WDR75: variants seen among roughly 807,000 people sequenced by gnomAD.
WDR75 encodes the protein WD repeat domain 75, also known as WD repeat-containing protein 75.
Under a neutral mutation model 106.1 loss-of-function variants are expected in WDR75, and 52 were observed. The observed-to-expected ratio is 0.49, with a 90% CI of 0.39 to 0.62. WDR75 has a LOEUF of 0.62. WDR75 is among the 20% of genes least tolerant of loss of function. The probability of loss-of-function intolerance (pLI) is 0.00; values close to 1 mark genes in which losing one functional copy is unlikely to be tolerated. For synonymous variants in WDR75, 333 were observed against 335.5 expected, an observed-to-expected ratio of 0.99 and a Z score of 0.08; for missense variants, 905 against 970.3, an observed-to-expected ratio of 0.93 and a Z score of 0.89.
Position 189,451,823 on chromosome 2 carries a change from A to G in WDR75, c.301A>G (p.Lys101Glu), listed in dbSNP as rs1350008366. ...ILIKTFIVGCKLHALFTLAQA... is the reference protein window; with the variant it reads ...ILIKTFIVGCELHALFTLAQA... ...CTTTCAGACTTTCATAGTTGGATGT[A>G]AACTTCATGCCCTCTTTACTCTTGC... Residue 101 changes from lysine (K) to glutamate (E), a missense_variant, in exon 4 of 21, where the codon AAA becomes GAA. Lys to Glu is a moderately conservative substitution (Grantham distance 56, BLOSUM62 1). Coordinates refer to ENST00000314761, the MANE Select transcript of WDR75 (RefSeq NM_032168.3). The G allele has an allele frequency of 6.2e-7, 1 of 1,613,752 alleles. No homozygotes were observed. Among genetic ancestry groups the G allele is most frequent in the South Asian group, 1.1e-5 (1 of 91,058 alleles).
In WDR75 at chr2:189,441,509, A is replaced by G; in HGVS notation, c.17A>G (p.Asn6Ser). Residue 6 changes from asparagine (N) to serine (S), a missense_variant, in exon 1 of 21, where the codon AAC becomes AGC. By Grantham distance (46) the Asn-to-Ser change is conservative (BLOSUM62 1). Transcript: ENST00000314761. MVEEENIRVVRCGGSE... is the reference protein window; with the variant it reads MVEEESIRVVRCGGSE... ...TGCGCAAAGATGGTGGAGGAGGAGA[A>G]CATCCGCGTGGTTCGTTGTGGCGGC... The G allele has an allele frequency of 6.4e-7, 1 of 1,565,302 alleles. No homozygotes were observed. Among genetic ancestry groups the G allele is most frequent in the Non-Finnish European group, 8.7e-7 (1 of 1,153,530 alleles).
Position 189,462,670 on chromosome 2 carries a change from A to G in WDR75, c.937+28A>G, listed in dbSNP as rs534104316. On this transcript the variant is annotated intron_variant, in intron 9 of 20. Transcript: ENST00000314761. ...AAGTCTAAATTTTTTATTATGAGGAAATATATAAACACCATAAATTAGCTA... is the reference window on the plus strand; with the variant it reads ...AAGTCTAAATTTTTTATTATGAGGAGATATATAAACACCATAAATTAGCTA... 5 of 1,603,370 alleles carry G rather than the reference A, an allele frequency of 3.1e-6. No individual in the cohort carries two copies. In the African/African-American group the frequency reaches 4.0e-5, roughly 13 times the overall value.
chr2:189,441,716 G>T, intron 1 of WDR75, 138 bp downstream of exon 1: 1 of 950,686 alleles, frequency 1.1e-6, no homozygotes, highest in South Asian at 1.5e-5. Flanking sequence ...CGCCTGTGGG[G>T]GATCCCCAGG....
chr2:189,474,909 A>T (rs1687183199), intron 20 of WDR75, 101 bp downstream of exon 20: 1 of 949,988 alleles, frequency 1.1e-6, no homozygotes, highest in Middle Eastern at 3.1e-4. Context: ...ATTTCTTTTT[A>T]TTTCATAAGT....
intron 1 of WDR75, among the ~76,000 whole-genome samples, chr2:189,446,011 A>C (rs1280385683): frequency 6.6e-6 from 1 of 152,152 alleles, no homozygotes; most frequent in Admixed American, 6.5e-5. Context: ...TCAATTAGGG[A>C]AAGTTTTCTT....
chr2:189,451,241 G>A (rs983076213), intron 3 of WDR75, among the ~76,000 whole-genome samples: 2 of 152,100 alleles, frequency 1.3e-5, no homozygotes, highest in East Asian at 1.9e-4. Flanking sequence ...CCTGGTAGAA[G>A]AAATTGGCAT....
At chr2:189,462,167 G>T (rs1213839522) in intron 8 of WDR75, among the ~76,000 whole-genome samples, 1 of 151,130 alleles carries the variant, frequency 6.6e-6, no homozygotes, top group Non-Finnish European at 1.5e-5. Flanking sequence ...TAATATTTTT[G>T]GTATAGTATT....
At chr2:189,460,931 AAGAAAAAAT>A (rs1420562542) in intron 8 of WDR75, among the ~76,000 whole-genome samples, 1 of 152,238 alleles carries the variant, frequency 6.6e-6, no homozygotes, top group Non-Finnish European at 1.5e-5. Flanking sequence ...TTATTAGAAA[AAGAAAAAAT>A]AGCTGCGTAA....
intron 19 of WDR75, 111 bp downstream of exon 19, chr2:189,474,443 C>T: frequency 1.6e-6 from 2 of 1,260,710 alleles, no homozygotes; most frequent in Non-Finnish European, 2.2e-6. Flanking sequence ...CTTTAATACC[C>T]AAACTAAATA....
At position 189,470,876 on chromosome 2, in the gene WDR75, C is replaced by G. The variant is rs749740320; in HGVS notation, c.2047C>G (p.Gln683Glu). 1.9e-6 allele frequency: 3 copies of G among 1,602,446 alleles called. No homozygotes were observed. The East Asian group carries it at 6.8e-5, about 36-fold the overall frequency. ...AGAAAAACTCACACCAACAAGCAAA[C>G]AGGTATGTTTTAGCCATTCATAGCA... is the stretch of plus-strand genomic sequence containing the variant. ...PEEKLTPTSK[Q>E]LLAEESLPTT... Residue 683 changes from glutamine (Q) to glutamate (E), a missense_variant and splice_region_variant, in exon 18 of 21, where the codon CAG (glutamine) becomes GAG (glutamate). By Grantham distance (29) the Gln-to-Glu change is conservative. Coordinates refer to ENST00000314761, the MANE Select transcript of WDR75 (RefSeq NM_032168.3).
Position 189,475,310 on chromosome 2 carries a change from A to G in WDR75, c.2386A>G (p.Ser796Gly), listed in dbSNP as rs779948135. The G allele has an allele frequency of 1.2e-6, 2 of 1,612,806 alleles. No individual in the cohort carries two copies. Among genetic ancestry groups the G allele is most frequent in the Non-Finnish European group, 1.7e-6 (2 of 1,179,094 alleles). Residue 796 changes from serine (S) to glycine (G), a missense_variant, in exon 21 of 21, where the codon AGT (serine) becomes GGT (glycine). Transcript: ENST00000314761. ...TTTTACCGAAAAAGTCCAGGATACA[A>G]GTAACACAGGTTTAGGAGAAGACAT... ...NDFTEKVQDT[S>G]NTGLGEDIIH...
chr2:189,446,958 C>T (rs1341734974), intron 1 of WDR75, among the ~76,000 whole-genome samples: 2 of 152,074 alleles, frequency 1.3e-5, no homozygotes, highest in African/African-American at 2.4e-5. Flanking sequence ...ACAGTTTCTA[C>T]GTGACTAACG....
intron 4 of WDR75, among the ~76,000 whole-genome samples, chr2:189,454,398 C>T (rs1686689717): frequency 6.6e-6 from 1 of 152,108 alleles, no homozygotes; most frequent in Non-Finnish European, 1.5e-5. Context: ...TCTGAAAACT[C>T]TCAGATGATT....
intron 18 of WDR75, among the ~76,000 whole-genome samples, chr2:189,471,292 C>T (rs763685973): frequency 8.5e-5 from 13 of 152,126 alleles, no homozygotes; most frequent in South Asian, 4.1e-4. Flanking sequence ...GATCTATTGA[C>T]GCTGAATTTT....
chr2:189,466,692 C>T (rs1047865673), intron 13 of WDR75, 110 bp downstream of exon 13: 9 of 1,101,152 alleles, frequency 8.2e-6, no homozygotes, highest in Non-Finnish European at 1.1e-5. Context: ...TTATTGAATT[C>T]TACAGGATAT....
intron 2 of WDR75, chr2:189,449,126 A>T: frequency 1.6e-6 from 1 of 635,914 alleles, no homozygotes; most frequent in Non-Finnish European, 2.4e-6. Context: ...AGTATTTAAG[A>T]ATAATGAAAT....
intron 5 of WDR75, among the ~76,000 whole-genome samples, chr2:189,457,101 C>T (rs1350143938): frequency 6.6e-6 from 1 of 152,038 alleles, no homozygotes; most frequent in Non-Finnish European, 1.5e-5. Flanking sequence ...ATTAGCCAGG[C>T]GTGGTGGTAG....
rs1479093188 is a variant in WDR75, at chr2:189,457,372, C to T, written c.560C>T (p.Thr187Ile). 5 of 1,590,008 alleles carry T rather than the reference C, an allele frequency of 3.1e-6. No homozygotes were observed. In the Admixed American group the frequency reaches 8.4e-5, roughly 27 times the overall value. Residue 187 changes from threonine to isoleucine, a missense_variant, in exon 6 of 21, where the codon ACA (threonine) becomes ATA (isoleucine). Physicochemically the swap from Thr to Ile is moderately conservative, Grantham distance 89. Coordinates refer to ENST00000314761, the MANE Select transcript of WDR75 (RefSeq NM_032168.3). ...TCTGTTTATTTTTTCAAAAAGAAAA[C>T]AACATCAAGGTAAGAATTATTTTTT... ...YLSVYFFKKK[T>I]TSRFTLSSSR...
At chr2:189,464,656 A>G (rs2105568154) in intron 11 of WDR75, among the ~76,000 whole-genome samples, 1 of 152,206 alleles carries the variant, frequency 6.6e-6, no homozygotes. Flanking sequence ...GCCTACTTAC[A>G]TTGGCTATCT....
Sources: gnomAD v4.1 joint callset for allele counts (sites outside exome capture counted in the v4.1 genomes callset) on GRCh38, gnomAD v4.1.1 for gene constraint, MANE v1.5 for transcripts, NCBI Gene and HGNC (gene_info 2026-07-23, HGNC 2026-07-21) for gene names.